Variants in RABL3 observed in about 807,000 individuals in gnomAD.
RABL3 encodes RAB, member of RAS oncogene family like 3.
In RABL3, 31 loss-of-function variants were observed where a neutral mutation model predicts 31.8. The observed-to-expected ratio is 0.97, with a 90% confidence interval of 0.73 to 1.31. The LOEUF (loss-of-function observed/expected upper bound fraction) is 1.31. Ranked by LOEUF, RABL3 falls within the 40% of genes most tolerant of loss-of-function variation. RABL3 has a pLI of 0.00. For missense variants in RABL3, 263 were observed against 279.6 expected (o/e 0.94, Z 0.42); for synonymous variants, 97 against 99.9 (o/e 0.97, Z 0.18).
chr3:120,723,467 A>G (rs1317364811), intron 2 of RABL3, among the ~76,000 whole-genome samples: 8 of 152,214 alleles, frequency 5.3e-5, no homozygotes, highest in Non-Finnish European at 1.0e-4. Flanking sequence ...CATCATCCTG[A>G]TACCAAAGCC....
At position 120,686,240 on chromosome 3, in the gene RABL3, T is replaced by C. The variant is rs939408558; in HGVS notation, c.*3583A>G. 2.0e-5 allele frequency among the ~76,000 whole-genome samples: 3 copies of C among 152,200 alleles called. No homozygotes were observed. The highest frequency in any genetic ancestry group is 4.4e-5 in the Non-Finnish European group (3 of 68,036). ...GACTCCTCCTTTGAATTTTAACATA[T>C]ATTAAACCAATGCAGACACCCTGTT... On this transcript the variant is annotated 3_prime_UTR_variant, in exon 8 of 8. Transcript: ENST00000273375.
intron 1 of RABL3, among the ~76,000 whole-genome samples, chr3:120,733,283 T>C (rs959097117): frequency 6.6e-6 from 1 of 152,210 alleles, no homozygotes; most frequent in African/African-American, 2.4e-5. Context: ...TACCTCATTG[T>C]GGTTTTGATT....
chr3:120,698,870 T>C (rs1708466566), intron 4 of RABL3, among the ~76,000 whole-genome samples: 1 of 152,188 alleles, frequency 6.6e-6, no homozygotes, highest in African/African-American at 2.4e-5. Flanking sequence ...TATATTACAG[T>C]CAGTGGACTT....
intron 6 of RABL3, among the ~76,000 whole-genome samples, chr3:120,692,343 C>T (rs372341762): frequency 2.0e-5 from 3 of 152,048 alleles, no homozygotes; most frequent in Non-Finnish European, 2.9e-5. Context: ...GGACTACAGG[C>T]GCCCGCCACC....
intron 6 of RABL3, among the ~76,000 whole-genome samples, chr3:120,692,498 G>A (rs1708392555): frequency 1.3e-5 from 2 of 152,160 alleles, no homozygotes; most frequent in African/African-American, 4.8e-5. Flanking sequence ...GTGCCCGGCT[G>A]GAGAATAAAT....
At chr3:120,693,106 C>CA (rs1402282305) in intron 6 of RABL3, among the ~76,000 whole-genome samples, 1 of 152,036 alleles carries the variant, frequency 6.6e-6, no homozygotes, top group Non-Finnish European at 1.5e-5. Context: ...CCAACCCCCC[C>CA]ACCCTGAGGA....
At chr3:120,742,225 T>C (rs371067504) in intron 1 of RABL3, among the ~76,000 whole-genome samples, 84 of 151,472 alleles carry the variant, frequency 5.5e-4, no homozygotes, top group South Asian at 1.7e-3. Context: ...GGGAGACCGA[T>C]GCGGAAAGCC....
intron 2 of RABL3, among the ~76,000 whole-genome samples, chr3:120,716,717 C>T (rs530754279): frequency 5.9e-5 from 9 of 152,168 alleles, no homozygotes; most frequent in East Asian, 5.8e-4. Context: ...GAGATCCCTT[C>T]GCACAGGTTT....
intron 1 of RABL3, among the ~76,000 whole-genome samples, chr3:120,735,309 T>C (rs1184849308): frequency 6.6e-6 from 1 of 152,252 alleles, no homozygotes; most frequent in African/African-American, 2.4e-5. Context: ...CCATTTCTTC[T>C]AGATTTTTTA....
In RABL3 at chr3:120,706,086, AT is replaced by A; in HGVS notation, c.296del (p.Asn99IlefsTer27). On this transcript the variant is annotated frameshift_variant, in exon 4 of 8. Transcript: ENST00000273375. LOFTEE classifies it high-confidence loss of function. ...GACGCAAGTTTTGGGAGGACTTCTT[AT>A]TTGTTAAGTCGTGTACGAAAATAAT... ...NGIIFVHDLT[N>X]KKSSQNLRRW... 1.1e-5 allele frequency: 18 copies of A among 1,612,964 alleles called. No individual in the cohort carries two copies. The highest frequency in any genetic ancestry group is 1.5e-5 in the Non-Finnish European group (18 of 1,178,956).
chr3:120,693,602 G>C (rs1299344089), intron 6 of RABL3, among the ~76,000 whole-genome samples: 1 of 152,106 alleles, frequency 6.6e-6, no homozygotes, highest in Non-Finnish European at 1.5e-5. Context: ...TAATTTACCA[G>C]TATGCTGAGT....
At position 120,742,448 on chromosome 3, in the gene RABL3, G is replaced by A; in HGVS notation, c.46+14C>T. 1 of 1,613,732 alleles carries A rather than the reference G, an allele frequency of 6.2e-7. No individual in the cohort carries two copies. The highest frequency in any genetic ancestry group is 8.5e-7 in the Non-Finnish European group (1 of 1,179,648). ...AAAGTGTCTGGAGCCCCAGAGGTAGGGTAAGCCGCTCACCTGAGTCTCCCA... is the reference window on the plus strand; with the variant it reads ...AAAGTGTCTGGAGCCCCAGAGGTAGAGTAAGCCGCTCACCTGAGTCTCCCA... On this transcript the variant is annotated intron_variant, in intron 1 of 7. Transcript: ENST00000273375.
intron 1 of RABL3, among the ~76,000 whole-genome samples, chr3:120,731,215 G>A (rs1199146109): frequency 6.6e-6 from 1 of 152,180 alleles, no homozygotes; most frequent in Non-Finnish European, 1.5e-5. Flanking sequence ...AATCTTAACA[G>A]ATCTGAGAAG....
chr3:120,694,001 T>C, intron 6 of RABL3, 152 bp downstream of exon 6: 1 of 506,840 alleles, frequency 2.0e-6, no homozygotes, highest in South Asian at 4.2e-5. Flanking sequence ...CCTTGGGCAA[T>C]TATACCAACA....
At chr3:120,720,437 A>G (rs1382381616) in intron 2 of RABL3, among the ~76,000 whole-genome samples, 3 of 152,216 alleles carry the variant, frequency 2.0e-5, no homozygotes, top group East Asian at 3.8e-4. Context: ...AAAACCTTGG[A>G]AAAAGATTAG....
At chr3:120,716,145 C>T (rs1160141337) in intron 2 of RABL3, among the ~76,000 whole-genome samples, 2 of 152,056 alleles carry the variant, frequency 1.3e-5, no homozygotes, top group African/African-American at 4.8e-5. Flanking sequence ...AGTTAAATTA[C>T]CATTAAAGTG....
chr3:120,724,468 A>G (rs1708791306), intron 2 of RABL3, among the ~76,000 whole-genome samples: 1 of 152,204 alleles, frequency 6.6e-6, no homozygotes, highest in African/African-American at 2.4e-5. Flanking sequence ...TTCATATGGA[A>G]CCAAAAAAGA....
At position 120,731,405 on chromosome 3, in the gene RABL3, G is replaced by T. The variant is rs758390706; in HGVS notation, c.47-618C>A. Among the ~76,000 whole-genome samples the T allele has an allele frequency of 5.9e-4, 90 of 152,212 alleles. 1 individual carries two copies. The highest frequency in any genetic ancestry group is 1.1e-3 in the Non-Finnish European group (77 of 68,020). ...AAAAAGCAGCCAACCACTTAGCCAA[G>T]ACTTACCTTTTGGAAAAAAGGTCTA... On this transcript the variant is annotated intron_variant, in intron 1 of 7. Coordinates refer to ENST00000273375, the MANE Select transcript of RABL3 (RefSeq NM_173825.5).
chr3:120,690,720 AAATG>A (rs765728422), intron 6 of RABL3, among the ~76,000 whole-genome samples: 3 of 152,226 alleles, frequency 2.0e-5, no homozygotes, highest in South Asian at 2.1e-4. Flanking sequence ...ATCAAAAAAT[AAATG>A]AATAACAAAA....
Sources: gnomAD v4.1 joint callset for allele counts (sites outside exome capture counted in the v4.1 genomes callset) on GRCh38, gnomAD v4.1.1 for gene constraint, MANE v1.5 for transcripts, NCBI Gene and HGNC (gene_info 2026-07-23, HGNC 2026-07-21) for gene names.